Variants in TACC1 observed in about 807,000 individuals in gnomAD.
TACC1 encodes transforming acidic coiled-coil-containing protein 1.
A neutral mutation model predicts 84.4 loss-of-function variants in TACC1; 48 were observed. The observed-to-expected ratio is 0.57, with a 90% CI of 0.45 to 0.72. TACC1 has a LOEUF of 0.72. TACC1 is among the 30% of genes least tolerant of loss of function. The pLI is 0.00. For missense variants in TACC1, 920 were observed against 973.0 expected (o/e 0.95, Z 0.72); for synonymous variants, 372 against 376.3 (o/e 0.99, Z 0.13).
intron 3 of TACC1, among the ~76,000 whole-genome samples, chr8:38,762,323 G>A (rs552797322): frequency 1.7e-4 from 26 of 151,840 alleles, no homozygotes; most frequent in Middle Eastern, 3.4e-3. Context: ...CCTATTTTCC[G>A]TCTCTACACA....
chr8:38,745,496 A>G (rs1307829944), intron 3 of TACC1: 2 of 689,814 alleles, frequency 2.9e-6, no homozygotes, highest in South Asian at 3.1e-5. Flanking sequence ...CTTAAAAGGC[A>G]AGGGTTTTAA....
At chr8:38,815,716 G>A (rs1336698076) in intron 2 of TACC1, among the ~76,000 whole-genome samples, 1 of 152,066 alleles carries the variant, frequency 6.6e-6, no homozygotes, top group African/African-American at 2.4e-5. Context: ...ACCGTGCCCG[G>A]CAATGTATAA....
Position 38,820,418 on chromosome 8 carries a change from C to A in TACC1, c.1174C>A (p.Pro392Thr). ...SKPDPSQWES[P>T]SFNPFGSHSV... ...GCCAGATCCTAGTCAGTGGGAAAGC[C>A]CCAGCTTCAACCCCTTTGGGAGCCA... Residue 392 changes from proline to threonine, a missense_variant, in exon 3 of 13, where the codon CCC becomes ACC. Transcript: ENST00000317827. 1.9e-6 allele frequency: 3 copies of A among 1,614,128 alleles called. No individual in the cohort carries two copies. The highest frequency in any genetic ancestry group is 2.5e-6 in the Non-Finnish European group (3 of 1,180,022).
intron 2 of TACC1, among the ~76,000 whole-genome samples, chr8:38,804,689 A>G (rs1198008760): frequency 6.6e-6 from 1 of 151,642 alleles, no homozygotes. Flanking sequence ...TGCAACCTCA[A>G]CCTCCTAGGC....
intron 8 of TACC1, 96 bp downstream of exon 8, chr8:38,838,642 C>A: frequency 9.5e-7 from 1 of 1,056,110 alleles, no homozygotes; most frequent in Non-Finnish European, 1.4e-6. Context: ...GCCACAGAAC[C>A]AAGTGTTGAG....
intron 1 of TACC1, among the ~76,000 whole-genome samples, chr8:38,732,724 C>T (rs1025145184): frequency 1.6e-4 from 25 of 152,056 alleles, no homozygotes; most frequent in East Asian, 1.9e-4. Context: ...TTGCAAATAG[C>T]GATAGCAAGG....
At chr8:38,842,210 C>T (rs758853878) in intron 9 of TACC1, 77 bp from the exon 10 acceptor site, 21 of 1,517,776 alleles carry the variant, frequency 1.4e-5, no homozygotes, top group Admixed American at 1.2e-4. Context: ...GTCCCTACCA[C>T]GAGAACACTG....
rs1826595556 is a variant in TACC1 at position 38,820,726 on chromosome 8, A to G, written c.1391+91A>G. 2.0e-6 allele frequency: 3 copies of G among 1,507,468 alleles called. No individual in the cohort carries two copies. In the East Asian group the frequency reaches 6.8e-5, roughly 34 times the overall value. 93.4% of individuals were successfully genotyped at this position (1,507,468 alleles called of 1,614,324 possible). On this transcript the variant is annotated intron_variant, in intron 3 of 12. Transcript: ENST00000317827. ...CTTTTGGCTTTGGTGAACTGAATTT[A>G]CCTTTGAGGTGCACCGAGGTTCATA...
At chr8:38,781,054 T>G (rs1487445549) in intron 3 of TACC1, among the ~76,000 whole-genome samples, 4 of 152,190 alleles carry the variant, frequency 2.6e-5, no homozygotes, top group African/African-American at 4.8e-5. Flanking sequence ...TTTTGTGATT[T>G]TATTCTTTTC....
chr8:38,819,486 A>G, intron 2 of TACC1, 36 bp from the exon 3 acceptor site: 4 of 1,569,126 alleles, frequency 2.5e-6, no homozygotes, highest in Non-Finnish European at 3.5e-6. Flanking sequence ...AGTGACAGAT[A>G]ATTCTTTAAT....
intron 3 of TACC1, among the ~76,000 whole-genome samples, chr8:38,771,930 C>T (rs1402974624): frequency 6.6e-6 from 1 of 151,986 alleles, no homozygotes; most frequent in African/African-American, 2.4e-5. Flanking sequence ...CTAAGGTGTT[C>T]CCAGGTGATG....
intron 3 of TACC1, among the ~76,000 whole-genome samples, chr8:38,773,564 A>T (rs542918884): frequency 6.6e-6 from 1 of 151,958 alleles, no homozygotes; most frequent in Admixed American, 6.6e-5. Flanking sequence ...AAAAGTATCT[A>T]TCTATCTAGC....
intron 1 of TACC1, 104 bp downstream of exon 1, chr8:38,787,847 C>A: frequency 8.7e-7 from 1 of 1,149,200 alleles, no homozygotes; most frequent in Non-Finnish European, 1.2e-6. Context: ...AAACCGTCCT[C>A]ACGGCCGTGC....
At chr8:38,795,568 T>C (rs1819776096) in intron 2 of TACC1, among the ~76,000 whole-genome samples, 2 of 152,236 alleles carry the variant, frequency 1.3e-5, no homozygotes, top group South Asian at 4.1e-4. Flanking sequence ...GAAAGAGCAG[T>C]TGCAGTGTCT....
In TACC1 at chr8:38,822,055, A is replaced by T. The variant is rs553222836; in HGVS notation, c.1391+1420A>T. On this transcript the variant is annotated intron_variant, in intron 3 of 12. Coordinates refer to ENST00000317827, the MANE Select transcript of TACC1 (RefSeq NM_006283.3). ...GGGCAACATAGTGAGACACCCCCCC[A>T]CACACACCGATTCCCTGTCTCTTAA... 2.0e-5 allele frequency among the ~76,000 whole-genome samples: 3 copies of T among 151,946 alleles called. No homozygotes were observed. The East Asian group carries it at 5.8e-4, about 29-fold the overall frequency.
chr8:38,771,651 T>C (rs1258251779), intron 3 of TACC1, among the ~76,000 whole-genome samples: 1 of 152,228 alleles, frequency 6.6e-6, no homozygotes, highest in African/African-American at 2.4e-5. Context: ...GGCCTTCTTA[T>C]AACACAGATG....
At chr8:38,748,908 T>A (rs1808527607) in intron 3 of TACC1, among the ~76,000 whole-genome samples, 1 of 151,502 alleles carries the variant, frequency 6.6e-6, no homozygotes, top group Non-Finnish European at 1.5e-5. Flanking sequence ...TAAATTGAAC[T>A]CAAAGCAAGC....
At chr8:38,785,942 T>C (rs1817056754), upstream of TACC1, 1 of 155,068 alleles carries the variant, frequency 6.4e-6, no homozygotes, top group Non-Finnish European at 1.4e-5. Flanking sequence ...CCTTCGGTTT[T>C]GGTAAAACTA....
In TACC1 at chr8:38,848,050, T is replaced by G. The variant is rs1177583689; in HGVS notation, c.*27T>G. ...ACACTCCCCCTGTTAGCTCAACAGA[T>G]CTGCATTTGGCTGCTTCTCTTGTGA... On this transcript the variant is annotated 3_prime_UTR_variant, in exon 13 of 13. Transcript: ENST00000317827. The G allele has an allele frequency of 6.2e-7, 1 of 1,603,774 alleles. No homozygotes were observed.
Sources: allele counts gnomAD v4.1 joint callset (sites outside exome capture counted in the v4.1 genomes callset), GRCh38; gene constraint gnomAD v4.1.1; transcripts MANE v1.5; gene names NCBI Gene and HGNC (gene_info 2026-07-23, HGNC 2026-07-21).